The following CNTNAP5 variants were observed in gnomAD, a reference collection of about 807,000 sequenced individuals.
CNTNAP5 encodes the protein contactin-associated protein-like 5.
A neutral mutation model predicts 150.2 loss-of-function variants in CNTNAP5; 72 were observed. The ratio of observed to expected loss-of-function variants is 0.48; its 90% CI spans 0.40 to 0.58. The LOEUF (loss-of-function observed/expected upper bound fraction) is 0.58. Among genes scored for constraint, CNTNAP5 ranks in the 20% least tolerant of loss-of-function variants. The pLI is 0.00. For missense variants in CNTNAP5, 1,636 were observed against 1,626.2 expected (o/e 1.01, Z -0.10); for synonymous variants, 672 against 619.8 (o/e 1.08, Z -1.25).
chr2:124,225,108 T>A (rs1686422661), intron 2 of CNTNAP5, among the ~76,000 whole-genome samples: 1 of 152,174 alleles, frequency 6.6e-6, no homozygotes, highest in African/African-American at 2.4e-5. Flanking sequence ...GGTGAGATTG[T>A]GTGCCTAAGA....
chr2:124,605,809 C>CAAAAAAA (rs36090348), intron 11 of CNTNAP5, among the ~76,000 whole-genome samples: 2 of 34,410 alleles, frequency 5.8e-5, no homozygotes, highest in African/African-American at 2.7e-4. Flanking sequence ...AAGACTCTGT[C>CAAAAAAA]AAAAAAAAAA....
intron 3 of CNTNAP5, among the ~76,000 whole-genome samples, chr2:124,275,419 C>T (rs1687861519): frequency 6.6e-6 from 1 of 152,076 alleles, no homozygotes; most frequent in Non-Finnish European, 1.5e-5. Context: ...AGTCACGTGC[C>T]TGCTTATGAA....
At chr2:124,684,986 C>T (rs1679158110) in intron 13 of CNTNAP5, among the ~76,000 whole-genome samples, 1 of 152,096 alleles carries the variant, frequency 6.6e-6, no homozygotes. Flanking sequence ...TGGTAGCCCT[C>T]AACAGATGCT....
intron 10 of CNTNAP5, 41 bp downstream of exon 10, chr2:124,527,497 C>T (rs745316463): frequency 6.7e-7 from 1 of 1,503,366 alleles, no homozygotes; most frequent in South Asian, 1.2e-5. Context: ...CACCCCCTTC[C>T]CATTCTTACT....
At chr2:124,410,192 A>T (rs1431463548) in intron 3 of CNTNAP5, among the ~76,000 whole-genome samples, 46 of 150,752 alleles carry the variant, frequency 3.1e-4, no homozygotes, top group African/African-American at 1.1e-3. Flanking sequence ...TCCTAAATAT[A>T]TATGCACCCA....
chr2:124,144,678 A>G (rs1179544016), intron 1 of CNTNAP5, among the ~76,000 whole-genome samples: 1 of 139,724 alleles, frequency 7.2e-6, no homozygotes, highest in Non-Finnish European at 1.5e-5. Context: ...TAGACCTAAA[A>G]CCATAAAAAC....
chr2:124,243,697 C>T (rs1686944141), intron 3 of CNTNAP5, among the ~76,000 whole-genome samples: 1 of 152,056 alleles, frequency 6.6e-6, no homozygotes, highest in African/African-American at 2.4e-5. Context: ...CCAAAATCTA[C>T]CTATTGGGTA....
In CNTNAP5 at chr2:124,131,735, A is replaced by G. The variant is rs149067203; in HGVS notation, c.83-89970A>G. The stretch of plus-strand genomic sequence containing the variant: ...ATACAAGAGCTAAATAAAAGATTTT[A>G]TAGGAAAAAAAGCCCCACAGGCATG... On this transcript the variant is annotated intron_variant, in intron 1 of 23. Coordinates refer to ENST00000682447, the MANE Select transcript of CNTNAP5 (RefSeq NM_001367498.1). Among the ~76,000 whole-genome samples, 858 of 152,316 alleles carry G rather than the reference A, an allele frequency of 5.6e-3. 10 individuals carry two copies. The highest frequency in any genetic ancestry group is 0.019 in the African/African-American group (786 of 41,562).
At chr2:124,435,331 C>T (rs553148777) in intron 5 of CNTNAP5, among the ~76,000 whole-genome samples, 4 of 151,976 alleles carry the variant, frequency 2.6e-5, no homozygotes, top group East Asian at 3.9e-4. Flanking sequence ...CCAGGCAGGT[C>T]GCGTTCATTG....
intron 13 of CNTNAP5, among the ~76,000 whole-genome samples, chr2:124,650,404 T>G (rs1273604089): frequency 2.6e-5 from 4 of 152,186 alleles, no homozygotes; most frequent in African/African-American, 4.8e-5. Flanking sequence ...GCATGTGAGC[T>G]CACCGTCTGG....
At chr2:124,147,168 T>C (rs968922394) in intron 1 of CNTNAP5, among the ~76,000 whole-genome samples, 1 of 152,052 alleles carries the variant, frequency 6.6e-6, no homozygotes, top group Non-Finnish European at 1.5e-5. Flanking sequence ...TTTTGAGGAG[T>C]GTAGCATTTG....
chr2:124,605,134 C>T lies in CNTNAP5; in HGVS notation c.1757-4667C>T, dbSNP rs17011800. Among the ~76,000 whole-genome samples the T allele has an allele frequency of 4.0e-3, 613 of 152,226 alleles. 11 individuals are homozygous for T. In the East Asian group the frequency reaches 0.048, roughly 12 times the overall value. On this transcript the variant is annotated intron_variant, in intron 11 of 23. Coordinates refer to ENST00000682447, the MANE Select transcript of CNTNAP5 (RefSeq NM_001367498.1). Reference sequence around the variant, plus strand: ...CTACAGTGTGAGAGGCCACGTGGGCCGAAGCAAAGAACTACAGCTTACCAC... The same window carrying T: ...CTACAGTGTGAGAGGCCACGTGGGCTGAAGCAAAGAACTACAGCTTACCAC...
In CNTNAP5 at chr2:124,795,611, G is replaced by C. The variant is rs376040482; in HGVS notation, c.2993-2485G>C. 5.9e-5 allele frequency among the ~76,000 whole-genome samples: 9 copies of C among 152,208 alleles called. No individual in the cohort carries two copies. In the South Asian group the frequency reaches 6.2e-4, roughly 11 times the overall value. On this transcript the variant is annotated intron_variant, in intron 18 of 23. Coordinates refer to ENST00000682447, the MANE Select transcript of CNTNAP5 (RefSeq NM_001367498.1). ...CAGCTCACTGCAACTCACGCCTCCT[G>C]GGTTCAAGTGATTCTCCTGTCTTGG...
chr2:124,803,634 T>G lies in CNTNAP5; in HGVS notation c.3217+5314T>G, dbSNP rs922169162. ...TTCAGGATTTCCTTTTTATCAATCT[T>G]TTTTTAAGCATATGCATTCAAAAGA... is the stretch of plus-strand genomic sequence containing the variant. On this transcript the variant is annotated intron_variant, in intron 19 of 23. Transcript: ENST00000682447. Among the ~76,000 whole-genome samples the G allele has an allele frequency of 3.3e-5, 5 of 152,332 alleles. No homozygotes were observed. The East Asian group carries it at 7.7e-4, about 24-fold the overall frequency.
intron 19 of CNTNAP5, among the ~76,000 whole-genome samples, chr2:124,804,855 G>A (rs1215156836): frequency 6.6e-6 from 1 of 152,156 alleles, no homozygotes; most frequent in East Asian, 1.9e-4. Context: ...AAGTAACTAT[G>A]CTGTGTAGAT....
intron 1 of CNTNAP5, among the ~76,000 whole-genome samples, chr2:124,164,985 A>G (rs1349974493): frequency 6.6e-6 from 1 of 152,152 alleles, no homozygotes; most frequent in Non-Finnish European, 1.5e-5. Flanking sequence ...GTAGAACACA[A>G]GCCCTGGAGC....
chr2:124,728,381 C>T (rs909852473), intron 13 of CNTNAP5, among the ~76,000 whole-genome samples: 4 of 151,878 alleles, frequency 2.6e-5, no homozygotes, highest in African/African-American at 9.7e-5. Context: ...TTAAATATTG[C>T]TTAGAATTCA....
chr2:124,791,757 C>A (rs996217389), intron 18 of CNTNAP5, among the ~76,000 whole-genome samples: 1 of 148,422 alleles, frequency 6.7e-6, no homozygotes, highest in Non-Finnish European at 1.5e-5. Flanking sequence ...CTTCTGTCCA[C>A]GGCCCTGTAT....
chr2:124,631,367 A>G (rs1008941330), intron 12 of CNTNAP5, among the ~76,000 whole-genome samples: 3 of 152,184 alleles, frequency 2.0e-5, no homozygotes, highest in Non-Finnish European at 2.9e-5. Flanking sequence ...GTATTGCTAC[A>G]AAAACAGGCA....
Sources: allele counts gnomAD v4.1 joint callset (sites outside exome capture counted in the v4.1 genomes callset), GRCh38; gene constraint gnomAD v4.1.1; transcripts MANE v1.5; gene names NCBI Gene and HGNC (gene_info 2026-07-23, HGNC 2026-07-21).